Variants in MMP26 observed in about 807,000 individuals in gnomAD.
MMP26 encodes matrix metalloproteinase-26.
A neutral mutation model predicts 31.0 loss-of-function variants in MMP26; 33 were observed. That is an observed-to-expected ratio of 1.06 (90% confidence interval 0.81 to 1.42). The LOEUF (loss-of-function observed/expected upper bound fraction) is 1.42. MMP26 is among the 40% of genes most tolerant of loss of function. The probability of loss-of-function intolerance (pLI) is 0.00; values close to 1 mark genes in which losing one functional copy is unlikely to be tolerated. For missense variants in MMP26, 347 were observed against 316.1 expected, an observed-to-expected ratio of 1.10 and a Z score of -0.74; for synonymous variants, 122 against 114.9, an observed-to-expected ratio of 1.06 and a Z score of -0.40.
At chr11:4,987,387 T>G (rs528782601) in intron 2 of MMP26, among the ~76,000 whole-genome samples, 18 of 151,928 alleles carry the variant, frequency 1.2e-4, no homozygotes, top group South Asian at 4.2e-4. Context: ...TTGGAGATTT[T>G]TTTTGTTTTG....
intron 7 of MMP26, 43 bp downstream of exon 7, chr11:4,992,168 A>T: frequency 6.3e-7 from 1 of 1,597,932 alleles, no homozygotes; most frequent in East Asian, 2.3e-5. Flanking sequence ...TGGGCAGGAA[A>T]ATTTCACCTG....
At chr11:4,858,886 G>A (rs1187472276) in intron 2 of MMP26, among the ~76,000 whole-genome samples, 1 of 152,034 alleles carries the variant, frequency 6.6e-6, no homozygotes, top group Admixed American at 6.6e-5. Context: ...CTAGACCAAC[G>A]GAACAGAACA....
intron 2 of MMP26, among the ~76,000 whole-genome samples, chr11:4,879,378 C>T (rs1014088223): frequency 6.6e-6 from 1 of 151,916 alleles, no homozygotes. Context: ...TCTATGAAAT[C>T]GACAGATTAA....
intron 1 of MMP26, among the ~76,000 whole-genome samples, chr11:4,733,405 T>C (rs1848199132): frequency 6.6e-6 from 1 of 152,230 alleles, no homozygotes; most frequent in Non-Finnish European, 1.5e-5. Context: ...ATTGAATTTA[T>C]TTCTAACTAA....
chr11:4,747,497 GA>G (rs1589889768), intron 1 of MMP26, among the ~76,000 whole-genome samples: 1 of 152,170 alleles, frequency 6.6e-6, no homozygotes, highest in Non-Finnish European at 1.5e-5. Context: ...CCTCTATAGA[GA>G]AGTCAGAAAG....
At chr11:4,797,964 G>C (rs578258383) in intron 2 of MMP26, among the ~76,000 whole-genome samples, 15 of 152,196 alleles carry the variant, frequency 9.9e-5, no homozygotes, top group African/African-American at 2.9e-4. Context: ...TATGTTATTT[G>C]GTTTCTGTTT....
In MMP26 at chr11:4,803,403, G is replaced by A. The variant is rs1457529678; in HGVS notation, c.-145+36062G>A. On this transcript the variant is annotated intron_variant, in intron 2 of 7. Coordinates refer to ENST00000380390, the MANE Select transcript of MMP26 (RefSeq NM_021801.5). ...AATGTCCCCACATTAGTGGGGCAATGTAAGTGATGGGGATACACTGACCCT... is the reference window on the plus strand; with the variant it reads ...AATGTCCCCACATTAGTGGGGCAATATAAGTGATGGGGATACACTGACCCT... 3.6e-6 allele frequency: 5 copies of A among 1,398,878 alleles called. No homozygotes were observed. The East Asian group carries it at 9.2e-5, about 26-fold the overall frequency. 86.7% of individuals were successfully genotyped at this position (1,398,878 alleles called of 1,614,324 possible). A position where few individuals can be genotyped will look rare whatever the true frequency, so the allele number is the denominator to read the frequency against.
At chr11:4,732,889 C>A (rs1359247193) in intron 1 of MMP26, among the ~76,000 whole-genome samples, 1 of 152,160 alleles carries the variant, frequency 6.6e-6, no homozygotes, top group East Asian at 1.9e-4. Flanking sequence ...TGGGCGGCAG[C>A]GCCATTTGTT....
intron 2 of MMP26, among the ~76,000 whole-genome samples, chr11:4,930,992 A>G (rs1851339017): frequency 6.6e-6 from 1 of 152,044 alleles, no homozygotes; most frequent in Non-Finnish European, 1.5e-5. Context: ...AACTAAAGAT[A>G]ATTTATAAAG....
chr11:4,861,465 G>A (rs1850157782), intron 2 of MMP26, among the ~76,000 whole-genome samples: 1 of 151,212 alleles, frequency 6.6e-6, no homozygotes. Flanking sequence ...ATGTTCATAT[G>A]TGTGTGTGTA....
intron 1 of MMP26, among the ~76,000 whole-genome samples, chr11:4,737,673 A>C (rs1175056505): frequency 2.0e-5 from 3 of 151,678 alleles, no homozygotes; most frequent in Admixed American, 2.0e-4. Context: ...CAAACACAAA[A>C]ACAAAAAAAC....
chr11:4,955,508 G>C (rs548913055), intron 2 of MMP26: 1 of 1,313,222 alleles, frequency 7.6e-7, no homozygotes, highest in Non-Finnish European at 1.1e-6. Context: ...GTCTGACATA[G>C]CCAACATGGA....
At chr11:4,917,473 C>T (rs1379516495) in intron 2 of MMP26, among the ~76,000 whole-genome samples, 1 of 152,148 alleles carries the variant, frequency 6.6e-6, no homozygotes, top group East Asian at 1.9e-4. Flanking sequence ...GATTCTTTAG[C>T]TGAATAAATA....
intron 2 of MMP26, among the ~76,000 whole-genome samples, chr11:4,887,840 C>T (rs1850564959): frequency 6.6e-6 from 1 of 152,064 alleles, no homozygotes; most frequent in Non-Finnish European, 1.5e-5. Flanking sequence ...GAGAAACAGA[C>T]ATGCAACTGA....
intron 2 of MMP26, chr11:4,907,950 C>T (rs765500146): frequency 2.5e-6 from 4 of 1,613,958 alleles, no homozygotes; most frequent in Middle Eastern, 3.3e-4. Context: ...GACAACAAGA[C>T]CAATGTCATC....
At chr11:4,942,089 C>CAAAAAAAAAAAAAAAAAAAATAAAAAA (rs1846217129) in intron 2 of MMP26, among the ~76,000 whole-genome samples, 1 of 37,122 alleles carries the variant, frequency 2.7e-5, no homozygotes, top group Non-Finnish European at 5.2e-5. Context: ...GAGTCCATCT[C>CAAAAAAAAAAAAAAAAAAAATAAAAAA]AAAAAAAAAA....
At chr11:4,819,954 C>A (rs1414227855) in intron 2 of MMP26, among the ~76,000 whole-genome samples, 1 of 151,938 alleles carries the variant, frequency 6.6e-6, no homozygotes, top group East Asian at 1.9e-4. Flanking sequence ...TTTTCTTGGC[C>A]CTTTGCATAC....
At chr11:4,891,150 G>A (rs561571124) in intron 2 of MMP26, among the ~76,000 whole-genome samples, 10 of 152,158 alleles carry the variant, frequency 6.6e-5, no homozygotes, top group African/African-American at 2.2e-4. Flanking sequence ...GTGACAGGCT[G>A]TTCTCCCATT....
chr11:4,921,107 A>C lies in MMP26; in HGVS notation c.-144-66961A>C, dbSNP rs1035264768. On this transcript the variant is annotated intron_variant, in intron 2 of 7. Coordinates refer to ENST00000380390, the MANE Select transcript of MMP26 (RefSeq NM_021801.5). ...GTAACAAGTTGGTATTGAAGGGATA[A>C]CTGACAAATGGCAGAAAGCATAGGC... Among the ~76,000 whole-genome samples, 4 of 152,226 alleles carry C rather than the reference A, an allele frequency of 2.6e-5. No homozygotes were observed. In the East Asian group the frequency reaches 7.7e-4, roughly 29 times the overall value.
Sources: allele counts gnomAD v4.1 joint callset (sites outside exome capture counted in the v4.1 genomes callset), GRCh38; gene constraint gnomAD v4.1.1; transcripts MANE v1.5; gene names NCBI Gene and HGNC (gene_info 2026-07-23, HGNC 2026-07-21).